Variants in DPY19L2 observed in about 807,000 individuals in gnomAD.
DPY19L2 encodes probable C-mannosyltransferase DPY19L2.
A neutral mutation model predicts 97.9 loss-of-function variants in DPY19L2; 34 were observed. That is an observed-to-expected ratio of 0.35 (90% CI 0.26 to 0.46). DPY19L2 has a LOEUF of 0.46. Ranked by LOEUF, DPY19L2 falls within the 20% of genes least tolerant of loss-of-function variation. The probability of loss-of-function intolerance (pLI) is 1.00; values close to 1 mark genes in which losing one functional copy is unlikely to be tolerated. For synonymous variants in DPY19L2, 230 were observed against 307.9 expected, an observed-to-expected ratio of 0.75 and a Z score of 2.65; for missense variants, 623 against 911.4, an observed-to-expected ratio of 0.68 and a Z score of 4.07.
At chr12:63,644,353 C>T (rs755719205) in intron 6 of DPY19L2, 50 bp downstream of exon 6, 14 of 1,559,378 alleles carry the variant, frequency 9.0e-6, no homozygotes, top group Admixed American at 6.3e-5. Flanking sequence ...AAATATCAGC[C>T]AGTCTGTAAA....
intron 11 of DPY19L2, among the ~76,000 whole-genome samples, chr12:63,612,415 G>A (rs2137695337): frequency 6.6e-6 from 1 of 151,954 alleles, no homozygotes; most frequent in East Asian, 1.9e-4. Context: ...AATTTATTGA[G>A]ATTTCTATAT....
At chr12:63,591,711 C>T (rs1242495637) in intron 16 of DPY19L2, among the ~76,000 whole-genome samples, 1 of 151,488 alleles carries the variant, frequency 6.6e-6, no homozygotes, top group Non-Finnish European at 1.5e-5. Flanking sequence ...AATAATTATA[C>T]CCCCTCTGAA....
chr12:63,596,627 C>T (rs919482999), intron 14 of DPY19L2, among the ~76,000 whole-genome samples: 3 of 151,984 alleles, frequency 2.0e-5, no homozygotes, highest in African/African-American at 7.3e-5. Context: ...AACTAGTGGT[C>T]AATAATAGTT....
intron 21 of DPY19L2, among the ~76,000 whole-genome samples, chr12:63,567,612 A>G (rs1188097365): frequency 2.0e-5 from 3 of 152,030 alleles, no homozygotes; most frequent in Non-Finnish European, 4.4e-5. Flanking sequence ...TTTCCAGCAC[A>G]TTTGAGTATT....
At chr12:63,638,202 T>C (rs1185592505) in intron 6 of DPY19L2, among the ~76,000 whole-genome samples, 1 of 152,054 alleles carries the variant, frequency 6.6e-6, no homozygotes, top group Non-Finnish European at 1.5e-5. Flanking sequence ...ATTGATGGGA[T>C]GTATCTCAAA....
At position 63,633,456 on chromosome 12, in the gene DPY19L2, C is replaced by T. The variant is rs1266169; in HGVS notation, c.804-6930G>A. Among the ~76,000 whole-genome samples, 1,093 of 152,136 alleles carry T rather than the reference C, an allele frequency of 7.2e-3. 11 individuals are homozygous for T. The highest frequency in any genetic ancestry group is 0.023 in the African/African-American group (937 of 41,488). Reference sequence around the variant, plus strand: ...GACATTTATGCAGCCAATAGACACACGAAAAAATGCTCATCATCACTGGCC... The same window carrying T: ...GACATTTATGCAGCCAATAGACACATGAAAAAATGCTCATCATCACTGGCC... On this transcript the variant is annotated intron_variant, in intron 6 of 21. Coordinates refer to ENST00000324472, the MANE Select transcript of DPY19L2 (RefSeq NM_173812.5).
At chr12:63,601,278 A>G (rs1171209941) in intron 12 of DPY19L2, among the ~76,000 whole-genome samples, 2 of 152,152 alleles carry the variant, frequency 1.3e-5, no homozygotes, top group African/African-American at 4.8e-5. Flanking sequence ...AAATGTGAAA[A>G]CTTAAGCTTT....
In DPY19L2 at chr12:63,582,442, G is replaced by A. The variant is rs1448028368; in HGVS notation, c.1689C>T (p.His563=). The change falls in exon 18 of 22, where the codon CAC becomes CAT. Residue 563 remains histidine (H), a synonymous_variant. Transcript: ENST00000324472. ...ATATCAAGGAAGCCATAACACACAT[G>A]TGCGGTGTCAAAAACATCTTTAGCC... is the stretch of plus-strand genomic sequence containing the variant. ...IMRLKMFLTP[H]MCVMASLICS... is the part of the protein sequence containing the mutation. The A allele has an allele frequency of 4.3e-6, 7 of 1,613,562 alleles. No homozygotes were observed. The highest frequency in any genetic ancestry group is 5.9e-6 in the Non-Finnish European group (7 of 1,179,660).
At chr12:63,584,628 G>A (rs999985268) in intron 16 of DPY19L2, among the ~76,000 whole-genome samples, 2 of 152,048 alleles carry the variant, frequency 1.3e-5, no homozygotes, top group African/African-American at 4.8e-5. Flanking sequence ...ATACGTCACC[G>A]GCCTGTTAGT....
At chr12:63,600,490 T>A in intron 12 of DPY19L2, 104 bp from the exon 13 acceptor site, 2 of 962,896 alleles carry the variant, frequency 2.1e-6, no homozygotes, top group Non-Finnish European at 1.6e-6. Context: ...TTATGTGAGG[T>A]ATAAATGGTG....
chr12:63,616,281 C>T (rs965582855), intron 11 of DPY19L2, among the ~76,000 whole-genome samples: 3 of 152,114 alleles, frequency 2.0e-5, no homozygotes, highest in Non-Finnish European at 1.5e-5. Context: ...AAAAAGTTTT[C>T]ATTAAAAGAG....
At chr12:63,594,457 G>A (rs1192167114) in intron 15 of DPY19L2, among the ~76,000 whole-genome samples, 2 of 138,332 alleles carry the variant, frequency 1.4e-5, no homozygotes, top group Admixed American at 1.5e-4. Flanking sequence ...ATGAGAGAGA[G>A]AGAGATAGTG....
intron 4 of DPY19L2, among the ~76,000 whole-genome samples, chr12:63,655,459 G>C (rs1894842760): frequency 6.6e-6 from 1 of 152,030 alleles, no homozygotes; most frequent in Admixed American, 6.6e-5. Context: ...CCATATTCCA[G>C]GAAGTAGGCA....
At chr12:63,583,656 C>T (rs1299029489) in intron 17 of DPY19L2, among the ~76,000 whole-genome samples, 156 bp downstream of exon 17, 1 of 152,190 alleles carries the variant, frequency 6.6e-6, no homozygotes, top group Non-Finnish European at 1.5e-5. Flanking sequence ...AAAGTAAGAG[C>T]AGATGAAAGA....
intron 16 of DPY19L2, among the ~76,000 whole-genome samples, chr12:63,586,804 T>G (rs555526859): frequency 1.3e-5 from 2 of 152,150 alleles, no homozygotes; most frequent in Non-Finnish European, 2.9e-5. Flanking sequence ...ATGAATACAT[T>G]TGATAATAAT....
chr12:63,659,192 T>C (rs1895358244), intron 4 of DPY19L2, among the ~76,000 whole-genome samples: 1 of 152,156 alleles, frequency 6.6e-6, no homozygotes, highest in Non-Finnish European at 1.5e-5. Flanking sequence ...AACCACTGAC[T>C]TCATCGAGGT....
chr12:63,564,913 T>C (rs1877353147), intron 21 of DPY19L2, among the ~76,000 whole-genome samples: 1 of 152,164 alleles, frequency 6.6e-6, no homozygotes, highest in Non-Finnish European at 1.5e-5. Flanking sequence ...GTTATCTAAG[T>C]GCATAAATGT....
At position 63,660,047 on chromosome 12, in the gene DPY19L2, A is replaced by C. The variant is rs553025499; in HGVS notation, c.588+1297T>G. ...AAATCACAGGGTCTGACAATTCAAA[A>C]TCTAATAAGGATATGAGAAAATTCT... is the stretch of plus-strand genomic sequence containing the variant. On this transcript the variant is annotated intron_variant, in intron 4 of 21. Coordinates refer to ENST00000324472, the MANE Select transcript of DPY19L2 (RefSeq NM_173812.5). Among the ~76,000 whole-genome samples, 7 of 152,302 alleles carry C rather than the reference A, an allele frequency of 4.6e-5. No homozygotes were observed. In the South Asian group the frequency reaches 1.4e-3, roughly 32 times the overall value.
intron 4 of DPY19L2, among the ~76,000 whole-genome samples, chr12:63,658,237 G>A (rs1474000695): frequency 1.3e-5 from 2 of 152,168 alleles, no homozygotes; most frequent in Non-Finnish European, 2.9e-5. Context: ...GCTCACGCCT[G>A]TAATCCCAGC....
Sources: allele counts gnomAD v4.1 joint callset (sites outside exome capture counted in the v4.1 genomes callset), GRCh38; gene constraint gnomAD v4.1.1; transcripts MANE v1.5; gene names NCBI Gene and HGNC (gene_info 2026-07-23, HGNC 2026-07-21).